Variants in ADSS1 observed in about 807,000 individuals in gnomAD.
ADSS1 encodes adenylosuccinate synthetase isozyme 1.
In ADSS1, 57 loss-of-function variants were observed where a neutral mutation model predicts 59.1. The ratio of observed to expected loss-of-function variants is 0.97; its 90% CI spans 0.78 to 1.20. The LOEUF (loss-of-function observed/expected upper bound fraction) is 1.20, where lower values mean the gene tolerates loss of function less well. Among genes scored for constraint, ADSS1 ranks in the 50% most tolerant of loss-of-function variants. The probability of loss-of-function intolerance (pLI) is 0.00; values close to 1 mark genes in which losing one functional copy is unlikely to be tolerated. For synonymous variants in ADSS1, 247 were observed against 249.4 expected, an observed-to-expected ratio of 0.99 and a Z score of 0.09; for missense variants, 603 against 610.3, an observed-to-expected ratio of 0.99 and a Z score of 0.13.
At chr14:104,733,177 A>G (rs1890992118) in intron 1 of ADSS1, among the ~76,000 whole-genome samples, 2 of 151,802 alleles carry the variant, frequency 1.3e-5, no homozygotes, top group South Asian at 4.2e-4. Context: ...GGCTTCCTGC[A>G]TCTCTCCACC....
At chr14:104,727,678 C>T (rs533688592) in intron 1 of ADSS1, among the ~76,000 whole-genome samples, 1 of 152,326 alleles carries the variant, frequency 6.6e-6, no homozygotes, top group South Asian at 2.1e-4. Flanking sequence ...CCAGCTCCTA[C>T]CCCTCAAATG....
At chr14:104,730,990 G>A (rs1434708433) in intron 1 of ADSS1, among the ~76,000 whole-genome samples, 1 of 146,524 alleles carries the variant, frequency 6.8e-6, no homozygotes, top group Non-Finnish European at 1.5e-5. Context: ...TGTCCGTGGG[G>A]GCTCAGAGCT....
At chr14:104,736,711 T>A (rs960425664) in intron 2 of ADSS1, among the ~76,000 whole-genome samples, 4 of 151,650 alleles carry the variant, frequency 2.6e-5, no homozygotes, top group African/African-American at 4.8e-5. Flanking sequence ...TGTATTTGTG[T>A]TTTTTTGTTT....
At chr14:104,724,566 C>G in intron 1 of ADSS1, 104 bp downstream of exon 1, 10 of 1,226,022 alleles carry the variant, frequency 8.2e-6, no homozygotes, top group Non-Finnish European at 1.0e-5. Context: ...CACTCACCCG[C>G]TTGGATGCCT....
Position 104,743,167 on chromosome 14 carries a change from C to T in ADSS1, c.1049C>T (p.Ala350Val), listed in dbSNP as rs771148703. Residue 350 changes from alanine to valine, a missense_variant, in exon 10 of 13, where the codon GCT (alanine) becomes GTT (valine). Physicochemically the swap from Ala to Val is moderately conservative, Grantham distance 64. Transcript: ENST00000330877. ...GWLDLMILRY[A>V]HMVNGFTALA... Reference sequence around the variant, plus strand: ...CTCGACCTGATGATTCTAAGATATGCTCACATGGTCAACGGATTCACTGCG... The same window carrying T: ...CTCGACCTGATGATTCTAAGATATGTTCACATGGTCAACGGATTCACTGCG... 43 of 1,611,840 alleles carry T rather than the reference C, an allele frequency of 2.7e-5. No individual in the cohort carries two copies. The highest frequency in any genetic ancestry group is 3.5e-5 in the Non-Finnish European group (41 of 1,179,992).
chr14:104,725,739 G>A (rs571737934), intron 1 of ADSS1, among the ~76,000 whole-genome samples: 2 of 152,274 alleles, frequency 1.3e-5, no homozygotes, highest in South Asian at 4.1e-4. Flanking sequence ...CATGTCCAGC[G>A]CTCTACTGCT....
intron 1 of ADSS1, 47 bp from the exon 2 acceptor site, chr14:104,734,973 G>A (rs759035711): frequency 3.2e-6 from 5 of 1,552,234 alleles, no homozygotes; most frequent in African/African-American, 1.4e-5. Context: ...TGTCCGGGGG[G>A]TCCTCAGTAC....
At chr14:104,743,321 C>G in intron 10 of ADSS1, 130 bp downstream of exon 10, 1 of 1,384,032 alleles carries the variant, frequency 7.2e-7, no homozygotes, top group Non-Finnish European at 9.9e-7. Flanking sequence ...CTGATCTCGA[C>G]CCTTCCACAA....
Position 104,743,050 on chromosome 14 carries a change from T to C in ADSS1, c.949-17T>C. On this transcript the variant is annotated splice_polypyrimidine_tract_variant and intron_variant, in intron 9 of 12. Coordinates refer to ENST00000330877, the MANE Select transcript of ADSS1 (RefSeq NM_152328.5). The stretch of plus-strand genomic sequence containing the variant: ...TCCCACGACAGCTCACATGACGTCC[T>C]CCCTGTTCTCATGTAGGAGATTGGA... 1.9e-6 allele frequency: 3 copies of C among 1,612,500 alleles called. No homozygotes were observed. The highest frequency in any genetic ancestry group is 2.5e-6 in the Non-Finnish European group (3 of 1,179,876).
intron 1 of ADSS1, among the ~76,000 whole-genome samples, chr14:104,731,388 G>A (rs1890927836): frequency 1.3e-5 from 2 of 152,216 alleles, no homozygotes; most frequent in African/African-American, 4.8e-5. Context: ...GACTGTCCAT[G>A]GCAGCTCACA....
chr14:104,739,161 AGGG>A (rs1041248173), intron 3 of ADSS1, among the ~76,000 whole-genome samples, 164 bp from the exon 4 acceptor site: 8 of 151,836 alleles, frequency 5.3e-5, no homozygotes, highest in Non-Finnish European at 1.2e-4. Context: ...GGAGACAACG[AGGG>A]GCGGGTCTGC....
intron 2 of ADSS1, chr14:104,737,718 ACTTT>A (rs1265202096): frequency 6.6e-6 from 1 of 152,116 alleles, no homozygotes; most frequent in African/African-American, 2.4e-5. Flanking sequence ...CTCCCATTCT[ACTTT>A]CTATCTCTAT....
At chr14:104,733,832 C>G (rs1222176127) in intron 1 of ADSS1, among the ~76,000 whole-genome samples, 3 of 152,156 alleles carry the variant, frequency 2.0e-5, no homozygotes, top group Non-Finnish European at 4.4e-5. Flanking sequence ...CCCCGCAACC[C>G]CACCGGGACC....
chr14:104,741,307 G>T (rs755079627), intron 8 of ADSS1, 64 bp downstream of exon 8: 62 of 1,507,670 alleles, frequency 4.1e-5, no homozygotes, highest in Admixed American at 1.5e-4. Context: ...CCCAGCTGCG[G>T]AGAGCCGTGG....
At position 104,736,881 on chromosome 14, in the gene ADSS1, G is replaced by GATATATATATATAT. The variant is rs57122419; in HGVS notation, c.296-1476_296-1463dup. 6.4e-3 allele frequency among the ~76,000 whole-genome samples: 678 copies of GATATATATATATAT among 106,396 alleles called. 6 individuals are homozygous for GATATATATATATAT. Among genetic ancestry groups the GATATATATATATAT allele is most frequent in the Non-Finnish European group, 8.7e-3 (447 of 51,202 alleles). The allele number at this position is 106,396 out of a possible 152,430, so 69.8% of individuals were successfully genotyped here. A position where few individuals can be genotyped will look rare whatever the true frequency, so the allele number is the denominator to read the frequency against. ...CAGGCTTATGCCACCGCACCTAGCT[G>GATATATATATATAT]ATATATATATATATATATATATATA... On this transcript the variant is annotated intron_variant, in intron 2 of 12. Coordinates refer to ENST00000330877, the MANE Select transcript of ADSS1 (RefSeq NM_152328.5).
At chr14:104,741,031 G>A (rs1470268018) in intron 7 of ADSS1, 86 bp from the exon 8 acceptor site, 2 of 1,594,908 alleles carry the variant, frequency 1.3e-6, no homozygotes, top group African/African-American at 2.7e-5. Context: ...ACTAGGCATT[G>A]TTATGGGCTG....
At chr14:104,733,974 C>T (rs995161739) in intron 1 of ADSS1, among the ~76,000 whole-genome samples, 4 of 152,194 alleles carry the variant, frequency 2.6e-5, no homozygotes, top group African/African-American at 9.6e-5. Flanking sequence ...CTGGGGCTCC[C>T]TCCAGGCTCT....
intron 1 of ADSS1, among the ~76,000 whole-genome samples, chr14:104,724,723 C>T (rs1890670690): frequency 6.6e-6 from 1 of 152,224 alleles, no homozygotes; most frequent in African/African-American, 2.4e-5. Context: ...GCTATAAATA[C>T]AAGTCGCTGA....
intron 1 of ADSS1, among the ~76,000 whole-genome samples, chr14:104,728,523 A>T (rs958253314): frequency 7.2e-5 from 11 of 152,140 alleles, no homozygotes; most frequent in Non-Finnish European, 1.5e-5. Context: ...GGAGCCTGCA[A>T]GCAGAGCCCA....
Sources: gnomAD v4.1 joint callset for allele counts (sites outside exome capture counted in the v4.1 genomes callset) on GRCh38, gnomAD v4.1.1 for gene constraint, MANE v1.5 for transcripts, NCBI Gene and HGNC (gene_info 2026-07-23, HGNC 2026-07-21) for gene names.